PPIC: variants seen among roughly 807,000 people sequenced by gnomAD.
PPIC encodes the protein peptidyl-prolyl cis-trans isomerase C.
In PPIC, 19 loss-of-function variants were observed where a neutral mutation model predicts 19.5. The observed-to-expected ratio is 0.98, with a 90% CI of 0.68 to 1.43. PPIC has a LOEUF of 1.43. Among genes scored for constraint, PPIC ranks in the 40% most tolerant of loss-of-function variants. The pLI is 0.00. For synonymous variants in PPIC, 107 were observed against 101.2 expected, an observed-to-expected ratio of 1.06 and a Z score of -0.34; for missense variants, 268 against 268.6, an observed-to-expected ratio of 1.00 and a Z score of 0.02.
intron 1 of PPIC, among the ~76,000 whole-genome samples, chr5:123,035,930 G>A (rs574044144): frequency 6.6e-6 from 1 of 152,200 alleles, no homozygotes; most frequent in East Asian, 2.0e-4. Context: ...CGCCGAAGTT[G>A]AAGGCGCACC....
chr5:123,024,258 T>C (rs1188037031), intron 4 of PPIC, among the ~76,000 whole-genome samples: 1 of 152,240 alleles, frequency 6.6e-6, no homozygotes, highest in Non-Finnish European at 1.5e-5. Flanking sequence ...GTATATTTCC[T>C]CACTTCTTTT....
Position 123,036,285 on chromosome 5 carries a change from G to T in PPIC, c.117+224C>A, listed in dbSNP as rs1265907136. On this transcript the variant is annotated intron_variant, in intron 1 of 4. Transcript: ENST00000306442. This position sits in a 1 kb window ranked among gnomAD's most constrained non-coding sequence, Gnocchi z 4.5. The stretch of plus-strand genomic sequence containing the variant: ...ACAAGAAGTCCAAGCAGACTGCGGC[G>T]GAGGTAGGCTGGCCTCAGCCCAGCT... 1.8e-6 allele frequency: 1 copy of T among 562,350 alleles called. No homozygotes were observed. 34.8% of individuals were successfully genotyped at this position (562,350 alleles called of 1,614,324 possible).
rs1165022367 is a variant in PPIC at position 123,036,275 on chromosome 5, A to G, written c.117+234T>C. 9.0e-6 allele frequency: 5 copies of G among 556,094 alleles called. No individual in the cohort carries two copies. Among genetic ancestry groups the G allele is most frequent in the Non-Finnish European group, 1.6e-5 (5 of 312,262 alleles). 34.4% of individuals were successfully genotyped at this position (556,094 alleles called of 1,614,324 possible). A position where few individuals can be genotyped will look rare whatever the true frequency, so the allele number is the denominator to read the frequency against. ...CCGACCCGGGACAAGAAGTCCAAGCAGACTGCGGCGGAGGTAGGCTGGCCT... is the reference window on the plus strand; with the variant it reads ...CCGACCCGGGACAAGAAGTCCAAGCGGACTGCGGCGGAGGTAGGCTGGCCT... On this transcript the variant is annotated intron_variant, in intron 1 of 4. Transcript: ENST00000306442. The surrounding 1 kb of genome is among the most constrained non-coding windows in gnomAD (Gnocchi z 4.5).
intron 4 of PPIC, among the ~76,000 whole-genome samples, chr5:123,024,316 C>T (rs1012024582): frequency 6.6e-6 from 1 of 152,014 alleles, no homozygotes; most frequent in Admixed American, 6.5e-5. Flanking sequence ...TTGTAAACAC[C>T]CAGCTCTAGT....
chr5:123,033,497 TCCG>T (rs1196376665), intron 1 of PPIC, among the ~76,000 whole-genome samples: 3 of 152,154 alleles, frequency 2.0e-5, no homozygotes, highest in African/African-American at 7.2e-5. Context: ...CCTATCACCT[TCCG>T]CCGCCGTGAC....
chr5:123,030,006 C>G (rs1042591526), intron 1 of PPIC, among the ~76,000 whole-genome samples: 23 of 152,132 alleles, frequency 1.5e-4, no homozygotes, highest in Non-Finnish European at 2.9e-4. Context: ...CACTCATGTC[C>G]AAGCACAATA....
rs1554081579 is a variant in PPIC at position 123,023,807 on chromosome 5, A to AC, written c.*67_*68insG. On this transcript the variant is annotated 3_prime_UTR_variant, in exon 5 of 5. Coordinates refer to ENST00000306442, the MANE Select transcript of PPIC (RefSeq NM_000943.5). ...AAAGCAAATAATTGAAAGACAACAC[A>AC]ACACACACACACACACACACACACA... The AC allele has an allele frequency of 2.3e-6, 3 of 1,293,842 alleles. No individual in the cohort carries two copies. Among genetic ancestry groups the AC allele is most frequent in the Non-Finnish European group, 3.1e-6 (3 of 979,786 alleles). The allele number at this position is 1,293,842 out of a possible 1,614,324, so 80.1% of individuals were successfully genotyped here.
At position 123,023,836 on chromosome 5, in the gene PPIC, AC is replaced by A. The variant is rs1554081589; in HGVS notation, c.*38del. On this transcript the variant is annotated 3_prime_UTR_variant, in exon 5 of 5. Transcript: ENST00000306442. The stretch of plus-strand genomic sequence containing the variant: ...CACACACACACACACACACACACAC[AC>A]CCCTGCCAAAGCATATCCTTGTTTT... 1 of 1,602,838 alleles carries A rather than the reference AC, an allele frequency of 6.2e-7. No individual in the cohort carries two copies. Among genetic ancestry groups the A allele is most frequent in the East Asian group, 2.2e-5 (1 of 44,562 alleles).
At position 123,036,454 on chromosome 5, in the gene PPIC, G is replaced by A; in HGVS notation, c.117+55C>T. 2 of 1,488,132 alleles carry A rather than the reference G, an allele frequency of 1.3e-6. No homozygotes were observed. Among genetic ancestry groups the A allele is most frequent in the Non-Finnish European group, 9.2e-7 (1 of 1,082,764 alleles). The allele number at this position is 1,488,132 out of a possible 1,614,324, so 92.2% of individuals were successfully genotyped here. ...ACACCGAGGTCCCAGTATCCAAAGC[G>A]CCCCCAGGGCCCCGCCCGCAACAGG... On this transcript the variant is annotated intron_variant, in intron 1 of 4. Coordinates refer to ENST00000306442, the MANE Select transcript of PPIC (RefSeq NM_000943.5). This position sits in a 1 kb window ranked among gnomAD's most constrained non-coding sequence, Gnocchi z 4.5.
At chr5:123,035,968 C>T (rs1763004297) in intron 1 of PPIC, among the ~76,000 whole-genome samples, 1 of 152,066 alleles carries the variant, frequency 6.6e-6, no homozygotes, top group South Asian at 2.1e-4. Context: ...ACGACGGTTC[C>T]CCAAAAGAGG....
intron 2 of PPIC, 38 bp downstream of exon 2, chr5:123,029,267 A>C (rs1762909465): frequency 6.2e-7 from 1 of 1,613,880 alleles, no homozygotes; most frequent in Admixed American, 1.7e-5. Flanking sequence ...CTTCAAAGAA[A>C]GAAGACCCAA....
chr5:123,032,921 A>G (rs1762961023), intron 1 of PPIC, among the ~76,000 whole-genome samples: 1 of 152,052 alleles, frequency 6.6e-6, no homozygotes, highest in East Asian at 1.9e-4. Context: ...TTTGAAAATT[A>G]CTCGGCATTG....
At chr5:123,026,753 G>A (rs1762861454) in intron 3 of PPIC, among the ~76,000 whole-genome samples, 1 of 152,166 alleles carries the variant, frequency 6.6e-6, no homozygotes, top group South Asian at 2.1e-4. Context: ...CTAGCAAAGC[G>A]GCAGGCAGAG....
intron 3 of PPIC, among the ~76,000 whole-genome samples, chr5:123,028,015 C>T (rs948058490): frequency 7.2e-5 from 11 of 152,140 alleles, no homozygotes; most frequent in African/African-American, 2.7e-4. Context: ...GTTTCTATTA[C>T]AATTTTGACA....
chr5:123,030,708 G>A (rs1762929771), intron 1 of PPIC, among the ~76,000 whole-genome samples: 1 of 152,170 alleles, frequency 6.6e-6, no homozygotes, highest in Non-Finnish European at 1.5e-5. Flanking sequence ...GTGCAATTCA[G>A]CATGGCTTGG....
chr5:123,029,500 A>C, intron 1 of PPIC, 82 bp from the exon 2 acceptor site: 1 of 1,462,968 alleles, frequency 6.8e-7, no homozygotes, highest in East Asian at 2.3e-5. Flanking sequence ...AAAATCTGAG[A>C]ATTGACCCAC....
intron 1 of PPIC, among the ~76,000 whole-genome samples, chr5:123,034,311 C>A (rs1383967620): frequency 2.0e-5 from 3 of 152,084 alleles, no homozygotes; most frequent in Non-Finnish European, 2.9e-5. Flanking sequence ...AACTTAATGA[C>A]AAATTTGGTA....
chr5:123,027,171 G>T (rs1262656899), intron 3 of PPIC, among the ~76,000 whole-genome samples: 1 of 152,026 alleles, frequency 6.6e-6, no homozygotes, highest in Admixed American at 6.5e-5. Flanking sequence ...TCCAGCCTGG[G>T]TGACAGAGTG....
At chr5:123,030,083 C>T (rs1329902321) in intron 1 of PPIC, among the ~76,000 whole-genome samples, 5 of 152,154 alleles carry the variant, frequency 3.3e-5, no homozygotes, top group African/African-American at 1.2e-4. Flanking sequence ...GCTGACAAAG[C>T]CGTCACCCTG....
Sources: gnomAD v4.1 joint callset for allele counts (sites outside exome capture counted in the v4.1 genomes callset) on GRCh38, gnomAD v4.1.1 for gene constraint, Gnocchi (gnomAD v3.1) non-coding constraint, MANE v1.5 for transcripts, NCBI Gene and HGNC (gene_info 2026-07-23, HGNC 2026-07-21) for gene names.